The following DNPEP variants were observed in gnomAD, a reference collection of about 807,000 sequenced individuals.
The protein encoded by DNPEP is aspartyl aminopeptidase.
A neutral mutation model predicts 59.1 loss-of-function variants in DNPEP; 46 were observed. The ratio of observed to expected loss-of-function variants is 0.78; its 90% confidence interval spans 0.61 to 0.99. DNPEP has a LOEUF of 0.99. DNPEP is among the 50% of genes least tolerant of loss of function. The probability of loss-of-function intolerance (pLI) is 0.00; values close to 1 mark genes in which losing one functional copy is unlikely to be tolerated. For synonymous variants in DNPEP, 229 were observed against 242.2 expected (o/e 0.95, Z 0.50); for missense variants, 617 against 649.9 (o/e 0.95, Z 0.55).
intron 1 of DNPEP, among the ~76,000 whole-genome samples, chr2:219,394,914 G>C (rs957072151): frequency 1.3e-5 from 2 of 151,434 alleles, no homozygotes; most frequent in Non-Finnish European, 2.9e-5. Flanking sequence ...AAGGCCCCAG[G>C]TTCAAGAGGC....
At chr2:219,381,223 C>G in intron 13 of DNPEP, 112 bp downstream of exon 13, 1 of 893,006 alleles carries the variant, frequency 1.1e-6, no homozygotes, top group Non-Finnish European at 1.8e-6. Flanking sequence ...TCTACTGGGA[C>G]CCCCCTCCAC....
chr2:219,379,764 T>C (rs561171219), intron 13 of DNPEP, among the ~76,000 whole-genome samples: 2 of 151,788 alleles, frequency 1.3e-5, no homozygotes, highest in African/African-American at 4.8e-5. Flanking sequence ...CTACTAAAAA[T>C]ACAAAAATTA....
chr2:219,396,677 A>C (rs1309481773), intron 1 of DNPEP, among the ~76,000 whole-genome samples: 2 of 152,176 alleles, frequency 1.3e-5, no homozygotes, highest in Non-Finnish European at 2.9e-5. Context: ...CTAAAAACAA[A>C]ATTTAACTGA....
intron 13 of DNPEP, among the ~76,000 whole-genome samples, 159 bp from the exon 14 acceptor site, chr2:219,375,181 A>G (rs1050977253): frequency 6.6e-6 from 1 of 152,188 alleles, no homozygotes; most frequent in African/African-American, 2.4e-5. Flanking sequence ...CCAAAGGACA[A>G]TATATTCTGA....
At chr2:219,379,684 A>G (rs987681214) in intron 13 of DNPEP, among the ~76,000 whole-genome samples, 14 of 152,134 alleles carry the variant, frequency 9.2e-5, no homozygotes, top group African/African-American at 2.9e-4. Context: ...ACACTTTGGG[A>G]GGCCGAGGCG....
rs563457174 is a variant in DNPEP, at chr2:219,386,490, A to G, written c.334-79T>C. 4 of 1,581,534 alleles carry G rather than the reference A, an allele frequency of 2.5e-6. No individual in the cohort carries two copies. The African/African-American group carries it at 5.4e-5, about 21-fold the overall frequency. On this transcript the variant is annotated intron_variant, in intron 4 of 14. Coordinates refer to ENST00000273075, the MANE Select transcript of DNPEP (RefSeq NM_012100.4). ...GAGACTTTGGCTACTCATAAGTAAC[A>G]GACAGCGAATATTAGTGTCACATGA...
Position 219,387,161 on chromosome 2 carries a change from C to T in DNPEP, c.39G>A (p.Val13=). ...GHSPTRGAMQ[V]AMNGKARKEA... The stretch of plus-strand genomic sequence containing the variant: ...CTTTGCGGGCCTTACCGTTCATGGC[C>T]ACCTAGGGGAGGGGGATGCTCAGAC... The change falls in exon 2 of 15, where the codon GTG becomes GTA. Residue 13 remains valine, a splice_region_variant and synonymous_variant. Coordinates refer to ENST00000273075, the MANE Select transcript of DNPEP (RefSeq NM_012100.4). The T allele has an allele frequency of 6.4e-7, 1 of 1,557,220 alleles. No homozygotes were observed. The highest frequency in any genetic ancestry group is 8.7e-7 in the Non-Finnish European group (1 of 1,149,838).
chr2:219,385,689 G>A lies in DNPEP; in HGVS notation c.608C>T (p.Thr203Ile). ...CTTCTCCAGCTCCTCCTGGATGGCTGTGGCAAGAATGGGGACTCTGTGGGG... is the reference window on the plus strand; with the variant it reads ...CTTCTCCAGCTCCTCCTGGATGGCTATGGCAAGAATGGGGACTCTGTGGGG... Reference protein sequence around the residue: ...TEMHLVPILATAIQEELEKGT... With the variant: ...TEMHLVPILAIAIQEELEKGT... The change falls in exon 7 of 15, where the codon ACA (threonine) becomes ATA (isoleucine). Residue 203 changes from threonine to isoleucine, a missense_variant. Transcript: ENST00000273075. The A allele has an allele frequency of 6.2e-7, 1 of 1,606,574 alleles. No homozygotes were observed. Among genetic ancestry groups the A allele is most frequent in the East Asian group, 2.2e-5 (1 of 44,614 alleles).
chr2:219,377,580 G>A (rs995830090), intron 13 of DNPEP, among the ~76,000 whole-genome samples: 1 of 152,080 alleles, frequency 6.6e-6, no homozygotes, highest in Non-Finnish European at 1.5e-5. Context: ...TGGGGAAAAC[G>A]GAAAGTGATC....
At chr2:219,395,017 G>A (rs146698376) in intron 1 of DNPEP, among the ~76,000 whole-genome samples, 2,573 of 151,862 alleles carry the variant, frequency 0.017, 66 homozygotes, top group African/African-American at 0.059. Context: ...GTGCAGTGGT[G>A]CGATCTCGGT....
At chr2:219,396,351 GC>G (rs1025138780) in intron 1 of DNPEP, among the ~76,000 whole-genome samples, 11 of 152,186 alleles carry the variant, frequency 7.2e-5, no homozygotes, top group African/African-American at 2.7e-4. Flanking sequence ...ACTTTGGGAG[GC>G]CAAGGCAGGC....
Position 219,387,876 on chromosome 2 carries a change from C to T in DNPEP, c.-82G>A. ...TTTGCAGGTCCCCCGCGTGCCCCTT[C>T]AGGCCGCGCCGCACTCGTAGGCCTT... On this transcript the variant is annotated 5_prime_UTR_variant, in exon 1 of 15. An upstream open reading frame in the 5' UTR loses its in-frame stop. Coordinates refer to ENST00000273075, the MANE Select transcript of DNPEP (RefSeq NM_012100.4). 1 of 1,460,002 alleles carries T rather than the reference C, an allele frequency of 6.8e-7. No individual in the cohort carries two copies. Among genetic ancestry groups the T allele is most frequent in the Non-Finnish European group, 9.0e-7 (1 of 1,107,296 alleles). 90.4% of individuals were successfully genotyped at this position (1,460,002 alleles called of 1,614,324 possible).
chr2:219,375,278 T>A (rs1038223198), intron 13 of DNPEP, among the ~76,000 whole-genome samples: 1 of 152,180 alleles, frequency 6.6e-6, no homozygotes, highest in African/African-American at 2.4e-5. Flanking sequence ...AAAGTATCCA[T>A]CCTTGTCACC....
chr2:219,381,595 C>T lies in DNPEP; in HGVS notation c.1098-11G>A. On this transcript the variant is annotated splice_polypyrimidine_tract_variant and intron_variant, in intron 11 of 14. Coordinates refer to ENST00000273075, the MANE Select transcript of DNPEP (RefSeq NM_012100.4). ...TCCTCATGCTTGTCCCTGTAAGAGA[C>T]AGATAAGGGCCAGACATAGCAAACA... The T allele has an allele frequency of 1.9e-6, 3 of 1,614,032 alleles. No individual in the cohort carries two copies. In the East Asian group the frequency reaches 6.7e-5, roughly 36 times the overall value.
At chr2:219,383,425 T>C (rs1213191823) in intron 9 of DNPEP, among the ~76,000 whole-genome samples, 3 of 152,090 alleles carry the variant, frequency 2.0e-5, no homozygotes, top group Non-Finnish European at 4.4e-5. Flanking sequence ...GCCAAATAAA[T>C]AGCTACATAG....
rs1953624684 is a variant in DNPEP at position 219,382,058 on chromosome 2, G to A, written c.1018C>T (p.Pro340Ser). The part of the protein sequence containing the change: ...LRRISASCQH[P>S]TAFEEAIPKS... ...GGTATGGCTTCCTCGAAGGCTGTCG[G>A]GTGCTGGCACGAGGCTGAGATCCGC... The change falls in exon 11 of 15, where the codon CCG becomes TCG. Residue 340 changes from proline to serine, a missense_variant. By Grantham distance (74) the Pro-to-Ser change is moderately conservative (BLOSUM62 -1). Transcript: ENST00000273075. 6.2e-7 allele frequency: 1 copy of A among 1,613,998 alleles called. No individual in the cohort carries two copies. Among genetic ancestry groups the A allele is most frequent in the African/African-American group, 1.3e-5 (1 of 74,940 alleles).
At chr2:219,396,661 C>T (rs1003960769) in intron 1 of DNPEP, among the ~76,000 whole-genome samples, 2 of 152,116 alleles carry the variant, frequency 1.3e-5, no homozygotes, top group Non-Finnish European at 2.9e-5. Flanking sequence ...ATGGGATATG[C>T]TTATACTAAA....
chr2:219,384,629 C>T lies in DNPEP; in HGVS notation c.775-186G>A, dbSNP rs140046310. On this transcript the variant is annotated intron_variant, in intron 8 of 14. Coordinates refer to ENST00000273075, the MANE Select transcript of DNPEP (RefSeq NM_012100.4). ...TGTCGCCCAGTCTGAAGTGCAATGGCTCGATCTCGGCTCACTGCAACTTCC... is the reference window on the plus strand; with the variant it reads ...TGTCGCCCAGTCTGAAGTGCAATGGTTCGATCTCGGCTCACTGCAACTTCC... The T allele has an allele frequency of 1.5e-3, 746 of 488,684 alleles. 7 individuals carry two copies. The highest frequency in any genetic ancestry group is 0.014 in the African/African-American group (678 of 50,102). 30.3% of individuals were successfully genotyped at this position (488,684 alleles called of 1,614,324 possible). A position where few individuals can be genotyped will look rare whatever the true frequency, so the allele number is the denominator to read the frequency against.
upstream of DNPEP, among the ~76,000 whole-genome samples, chr2:219,390,778 C>T (rs544395399): frequency 2.0e-5 from 3 of 152,008 alleles, no homozygotes; most frequent in African/African-American, 7.2e-5. Context: ...TGCAGTGAGC[C>T]GAGATCGTGC....
Sources: allele counts gnomAD v4.1 joint callset (sites outside exome capture counted in the v4.1 genomes callset), GRCh38; gene constraint gnomAD v4.1.1; transcripts MANE v1.5; gene names NCBI Gene and HGNC (gene_info 2026-07-23, HGNC 2026-07-21).